The following ZW10 variants were observed in gnomAD, a reference collection of about 807,000 sequenced individuals.
ZW10 encodes the protein zw10 kinetochore protein.
In ZW10, 53 loss-of-function variants were observed where a neutral mutation model predicts 87.8. That is an observed-to-expected ratio of 0.60 (90% CI 0.48 to 0.76). The LOEUF is 0.76. ZW10 is among the 30% of genes least tolerant of loss of function. The pLI is 0.00. For missense variants in ZW10, 837 were observed against 923.0 expected (o/e 0.91, Z 1.21); for synonymous variants, 312 against 329.2 (o/e 0.95, Z 0.57).
intron 11 of ZW10, among the ~76,000 whole-genome samples, chr11:113,741,226 C>T (rs1287955879): frequency 1.3e-5 from 2 of 152,142 alleles, no homozygotes; most frequent in African/African-American, 2.4e-5. Flanking sequence ...ACAATCCTCC[C>T]ACCTCTGCCT....
rs550923111 is a variant in ZW10, at chr11:113,750,008, G to A, written c.926-1588C>T. On this transcript the variant is annotated intron_variant, in intron 7 of 15. Coordinates refer to ENST00000200135, the MANE Select transcript of ZW10 (RefSeq NM_004724.4). ...TGAATATTTTATGCATAGAGCGCAAGTTATGGTGATACCTACATAAATTGT... is the reference window on the plus strand; with the variant it reads ...TGAATATTTTATGCATAGAGCGCAAATTATGGTGATACCTACATAAATTGT... Among the ~76,000 whole-genome samples, 6 of 152,308 alleles carry A rather than the reference G, an allele frequency of 3.9e-5. No individual in the cohort carries two copies. In the South Asian group the frequency reaches 8.3e-4, roughly 21 times the overall value.
chr11:113,747,006 T>C (rs1475047139), intron 9 of ZW10, among the ~76,000 whole-genome samples: 1 of 151,904 alleles, frequency 6.6e-6, no homozygotes, highest in Non-Finnish European at 1.5e-5. Flanking sequence ...TCAAGGTATA[T>C]ACATTATTTC....
chr11:113,737,453 A>G, intron 14 of ZW10, 119 bp downstream of exon 14: 1 of 1,143,588 alleles, frequency 8.7e-7, no homozygotes, highest in Non-Finnish European at 1.2e-6. Context: ...AAAAAAAAAA[A>G]AACAGCATGA....
intron 7 of ZW10, among the ~76,000 whole-genome samples, chr11:113,756,579 T>C (rs1953788716): frequency 6.6e-6 from 1 of 152,196 alleles, no homozygotes. Flanking sequence ...GTAAGAAATG[T>C]GAGTTTTAAA....
In ZW10 at chr11:113,743,919, T is replaced by C. The variant is rs781591908; in HGVS notation, c.1394A>G (p.Asn465Ser). ...YHEVMNLEPE[N>S]TLDQHSFSLP... ...GGAAAAGGAATGTTGGTCCAATGTA[T>C]TTTCAGGCTCTAAATTCATCACTTC... The change falls in exon 10 of 16, where the codon AAT becomes AGT. Residue 465 changes from asparagine to serine, a missense_variant. Transcript: ENST00000200135. 12 of 1,614,092 alleles carry C rather than the reference T, an allele frequency of 7.4e-6. No homozygotes were observed. The highest frequency in any genetic ancestry group is 1.7e-5 in the Admixed American group (1 of 60,016).
chr11:113,760,753 T>C, intron 3 of ZW10, 64 bp downstream of exon 3: 2 of 1,370,786 alleles, frequency 1.5e-6, no homozygotes, highest in Middle Eastern at 1.9e-4. Flanking sequence ...AGTCAGGAGA[T>C]AGCCATTGAC....
intron 8 of ZW10, 91 bp from the exon 9 acceptor site, chr11:113,747,804 G>A: frequency 1.9e-6 from 2 of 1,066,752 alleles, no homozygotes; most frequent in South Asian, 2.0e-5. Flanking sequence ...AAAAAATGAG[G>A]ACCAAGCTGG....
intron 12 of ZW10, among the ~76,000 whole-genome samples, chr11:113,738,994 A>C (rs1259088331): frequency 6.6e-6 from 1 of 152,200 alleles, no homozygotes; most frequent in Non-Finnish European, 1.5e-5. Context: ...CGTACCATGA[A>C]ATCATGTTAC....
At chr11:113,772,606 C>T (rs142987545) in intron 1 of ZW10, among the ~76,000 whole-genome samples, 81 of 152,194 alleles carry the variant, frequency 5.3e-4, no homozygotes, top group African/African-American at 1.8e-3. Flanking sequence ...GTATCAATCT[C>T]AAGGCAGCAA....
intron 9 of ZW10, among the ~76,000 whole-genome samples, chr11:113,746,543 C>A (rs2134875297): frequency 6.7e-6 from 1 of 148,454 alleles, no homozygotes. Flanking sequence ...CCTCATGGAG[C>A]TTACTTTCTA....
intron 7 of ZW10, 40 bp downstream of exon 7, chr11:113,757,622 A>G: frequency 7.7e-7 from 1 of 1,296,890 alleles, no homozygotes; most frequent in South Asian, 2.3e-5. Flanking sequence ...AACAATATTT[A>G]GTTTCCAAAA....
intron 11 of ZW10, 105 bp from the exon 12 acceptor site, chr11:113,739,487 G>GTCTAGTTTCTAATAACTC (rs1303201409): frequency 9.7e-7 from 1 of 1,030,358 alleles, no homozygotes; most frequent in African/African-American, 1.6e-5. Flanking sequence ...TTTAATAACT[G>GTCTAGTTTCTAATAACTC]TCTAGTTTCT....
At chr11:113,738,466 G>C in intron 12 of ZW10, 72 bp from the exon 13 acceptor site, 3 of 1,441,570 alleles carry the variant, frequency 2.1e-6, no homozygotes, top group Non-Finnish European at 2.8e-6. Flanking sequence ...GGATAGACAA[G>C]AGATGCATAA....
At chr11:113,744,768 C>T (rs925406898) in intron 9 of ZW10, among the ~76,000 whole-genome samples, 8 of 152,046 alleles carry the variant, frequency 5.3e-5, no homozygotes, top group Non-Finnish European at 1.0e-4. Context: ...ATGGCCCAGG[C>T]GGGTCTCGAA....
chr11:113,743,269 T>G (rs1341368852), intron 10 of ZW10, among the ~76,000 whole-genome samples: 2 of 152,194 alleles, frequency 1.3e-5, no homozygotes, highest in Non-Finnish European at 2.9e-5. Context: ...TATAAACATT[T>G]AAAATATAAA....
intron 7 of ZW10, among the ~76,000 whole-genome samples, chr11:113,753,882 T>C (rs1953757251): frequency 6.6e-6 from 1 of 152,144 alleles, no homozygotes; most frequent in Non-Finnish European, 1.5e-5. Context: ...GTTCATGAGT[T>C]TGAAGAAAAG....
At chr11:113,746,838 T>TA (rs1329034759) in intron 9 of ZW10, among the ~76,000 whole-genome samples, 1 of 152,072 alleles carries the variant, frequency 6.6e-6, no homozygotes, top group African/African-American at 2.4e-5. Context: ...CAATAGATAA[T>TA]AGAGTCAGAG....
intron 7 of ZW10, among the ~76,000 whole-genome samples, chr11:113,756,200 C>T (rs1468278543): frequency 1.3e-5 from 2 of 151,960 alleles, no homozygotes; most frequent in African/African-American, 2.4e-5. Flanking sequence ...TGCAAATGCA[C>T]AGAGAAAAAG....
chr11:113,760,268 AG>A lies in ZW10; in HGVS notation c.520del (p.Leu174PhefsTer11). ...CTGCCACTCTTCTCCAAGGTGATAA[AG>A]TATGTTCTGTTTCTGTATTGTGAGC... ...MELTIQKQNI[L>X]YHLGEEWQKL... On this transcript the variant is annotated frameshift_variant, in exon 5 of 16. Coordinates refer to ENST00000200135, the MANE Select transcript of ZW10 (RefSeq NM_004724.4). LOFTEE classifies it high-confidence loss of function. 1 of 1,614,146 alleles carries A rather than the reference AG, an allele frequency of 6.2e-7. No homozygotes were observed. Among genetic ancestry groups the A allele is most frequent in the Non-Finnish European group, 8.5e-7 (1 of 1,180,018 alleles).
Sources: allele counts gnomAD v4.1 joint callset (sites outside exome capture counted in the v4.1 genomes callset), GRCh38; gene constraint gnomAD v4.1.1; transcripts MANE v1.5; gene names NCBI Gene and HGNC (gene_info 2026-07-23, HGNC 2026-07-21).